Variants in NEDD4 observed in about 807,000 individuals in gnomAD.
NEDD4 encodes E3 ubiquitin-protein ligase NEDD4.
Under a neutral mutation model 144.9 loss-of-function variants are expected in NEDD4, and 99 were observed. That is an observed-to-expected ratio of 0.68 (90% CI 0.58 to 0.81). The LOEUF is 0.81. NEDD4 is among the 30% of genes least tolerant of loss of function. The pLI, the probability that NEDD4 is intolerant of heterozygous loss-of-function variation, is 0.00. For missense variants in NEDD4, 985 were observed against 1,065.9 expected (o/e 0.92, Z 1.06); for synonymous variants, 318 against 350.6 (o/e 0.91, Z 1.04).
intron 4 of NEDD4, 24 bp downstream of exon 4, chr15:55,951,352 T>C (rs2037234776): frequency 9.4e-6 from 8 of 851,126 alleles, no homozygotes; most frequent in Non-Finnish European, 1.4e-5. Context: ...TTTTCCACTT[T>C]AGTAAAATAA....
At chr15:55,892,347 T>C (rs1348935664) in intron 5 of NEDD4, among the ~76,000 whole-genome samples, 2 of 151,232 alleles carry the variant, frequency 1.3e-5, no homozygotes, top group Non-Finnish European at 2.9e-5. Flanking sequence ...TAAATAATTT[T>C]CCAGGGCAAA....
At chr15:55,901,111 T>G (rs547862631) in intron 5 of NEDD4, among the ~76,000 whole-genome samples, 2 of 152,196 alleles carry the variant, frequency 1.3e-5, no homozygotes, top group East Asian at 1.9e-4. Flanking sequence ...ATGGGGTACA[T>G]GAGATGTTTT....
At chr15:55,905,366 G>A (rs955789768) in intron 5 of NEDD4, 24 of 439,438 alleles carry the variant, frequency 5.5e-5, no homozygotes, top group Admixed American at 3.3e-4. Flanking sequence ...ACAATTGGGG[G>A]GTTTCCCAAC....
At chr15:55,967,405 ATAACT>A (rs1472602904) in intron 1 of NEDD4, among the ~76,000 whole-genome samples, 1 of 151,832 alleles carries the variant, frequency 6.6e-6, no homozygotes, top group Non-Finnish European at 1.5e-5. Context: ...TTATTTTCAA[ATAACT>A]TAGCAAATAA....
Position 55,962,037 on chromosome 15 carries a change from G to A in NEDD4, c.119+4436C>T, listed in dbSNP as rs1353316546. ...TTTTAAAAAGTTCCCCTTTAATTCC[G>A]TCAAATTTTGATTCATATTTTTCTA... On this transcript the variant is annotated intron_variant, in intron 2 of 28. Transcript: ENST00000435532. Among the ~76,000 whole-genome samples, 3 of 151,938 alleles carry A rather than the reference G, an allele frequency of 2.0e-5. 1 individual carries two copies. Among genetic ancestry groups the A allele is most frequent in the Middle Eastern group, 6.3e-3 (2 of 316 alleles).
intron 5 of NEDD4, among the ~76,000 whole-genome samples, chr15:55,898,631 C>CTT (rs34372143): frequency 0.014 from 1,545 of 108,120 alleles, 17 homozygotes; most frequent in African/African-American, 0.019. Context: ...ACAAAAAGAA[C>CTT]TTTTTTTTTT....
intron 5 of NEDD4, among the ~76,000 whole-genome samples, chr15:55,908,208 A>G (rs1595829290): frequency 6.6e-6 from 1 of 152,324 alleles, no homozygotes; most frequent in East Asian, 1.9e-4. Flanking sequence ...ATATCTATTA[A>G]GTGTCTATTT....
intron 1 of NEDD4, among the ~76,000 whole-genome samples, chr15:55,990,120 C>T (rs2037965223): frequency 6.6e-6 from 1 of 151,780 alleles, no homozygotes; most frequent in Admixed American, 6.6e-5. Flanking sequence ...GGAAAACAAG[C>T]TCAGGGCTCC....
intron 5 of NEDD4, among the ~76,000 whole-genome samples, chr15:55,923,659 A>AAAT (rs546642962): frequency 0.035 from 4,681 of 135,070 alleles, 116 homozygotes; most frequent in South Asian, 0.067. Context: ...AAAAAAAAAA[A>AAAT]ATATATATAT....
At chr15:55,877,239 T>G (rs1199222980) in intron 5 of NEDD4, among the ~76,000 whole-genome samples, 2 of 152,246 alleles carry the variant, frequency 1.3e-5, no homozygotes, top group Non-Finnish European at 2.9e-5. Context: ...CATTTAGTAG[T>G]CCTGTCTATT....
chr15:55,848,377 C>T lies in NEDD4; in HGVS notation c.1537G>A (p.Gly513Arg), dbSNP rs1304123684. Residue 513 changes from glycine (G) to arginine (R), a missense_variant, in exon 17 of 29, where the codon GGA becomes AGA. Physicochemically the swap from Gly to Arg is moderately radical, Grantham distance 125 (BLOSUM62 -2). Transcript: ENST00000435532. ...DPRLENVAIT[G>R]PAVPYSRDYK... is the part of the protein sequence containing the mutation. ...ACACTGGCAGAGAGACTTACTGGTC[C>T]AGTTATTGCTACATTCTCCAACCGA... The T allele has an allele frequency of 5.6e-6, 9 of 1,614,032 alleles. No homozygotes were observed. The East Asian group carries it at 6.7e-5, about 12-fold the overall frequency.
chr15:55,981,357 G>A (rs1056498742), intron 1 of NEDD4, among the ~76,000 whole-genome samples: 7 of 140,658 alleles, frequency 5.0e-5, no homozygotes, highest in Admixed American at 1.4e-4. Flanking sequence ...GAGCCACCAC[G>A]CCCGGCCTCC....
chr15:55,845,367 C>T (rs1215034574), intron 18 of NEDD4, among the ~76,000 whole-genome samples: 1 of 152,156 alleles, frequency 6.6e-6, no homozygotes, highest in Non-Finnish European at 1.5e-5. Flanking sequence ...ATCACATTAC[C>T]TATTCTCTCT....
intron 1 of NEDD4, among the ~76,000 whole-genome samples, chr15:55,983,969 G>A (rs1341983051): frequency 6.6e-6 from 1 of 152,088 alleles, no homozygotes; most frequent in Admixed American, 6.6e-5. Flanking sequence ...AAATATTGAT[G>A]TGTGATAATT....
chr15:55,922,419 A>G (rs1395760416), intron 5 of NEDD4, among the ~76,000 whole-genome samples: 2 of 152,140 alleles, frequency 1.3e-5, no homozygotes, highest in African/African-American at 4.8e-5. Flanking sequence ...CTGAAGTGCA[A>G]TGGTGTTATC....
chr15:55,943,859 C>G (rs182963436), intron 4 of NEDD4, among the ~76,000 whole-genome samples: 87 of 152,270 alleles, frequency 5.7e-4, no homozygotes, highest in African/African-American at 2.1e-3. Context: ...CTTAGGCACT[C>G]AACACTAGCC....
chr15:55,985,760 T>TACACACACACACACACATAC (rs142847474), intron 1 of NEDD4, among the ~76,000 whole-genome samples: 19 of 148,436 alleles, frequency 1.3e-4, no homozygotes, highest in African/African-American at 4.7e-4. Context: ...AGAGTACACA[T>TACACACACACACACACATAC]ACACACACAC....
intron 5 of NEDD4, among the ~76,000 whole-genome samples, chr15:55,878,650 C>A (rs540568576): frequency 6.6e-6 from 1 of 152,274 alleles, no homozygotes; most frequent in South Asian, 2.1e-4. Context: ...TAAAATACTT[C>A]TTCAAGAATG....
intron 1 of NEDD4, among the ~76,000 whole-genome samples, chr15:55,986,736 C>A (rs1431437563): frequency 6.7e-6 from 1 of 149,248 alleles, no homozygotes; most frequent in South Asian, 2.2e-4. Flanking sequence ...ACTACAGGCA[C>A]CCACCACCAC....
Sources: gnomAD v4.1 joint callset for allele counts (sites outside exome capture counted in the v4.1 genomes callset) on GRCh38, gnomAD v4.1.1 for gene constraint, MANE v1.5 for transcripts, NCBI Gene and HGNC (gene_info 2026-07-23, HGNC 2026-07-21) for gene names.